The following ATP11B variants were observed in gnomAD, a reference collection of about 807,000 sequenced individuals.
ATP11B encodes the protein ATPase phospholipid transporting 11B (putative).
A neutral mutation model predicts 157.8 loss-of-function variants in ATP11B; 81 were observed. That is an observed-to-expected ratio of 0.51 (90% CI 0.43 to 0.62). The LOEUF (loss-of-function observed/expected upper bound fraction) is 0.62. Among genes scored for constraint, ATP11B ranks in the 20% least tolerant of loss-of-function variants. The pLI, the probability that ATP11B is intolerant of heterozygous loss-of-function variation, is 0.00. For synonymous variants in ATP11B, 451 were observed against 469.4 expected (o/e 0.96, Z 0.51); for missense variants, 1,165 against 1,402.2 (o/e 0.83, Z 2.70).
At chr3:182,834,098 A>G (rs188564886) in intron 4 of ATP11B, among the ~76,000 whole-genome samples, 2 of 152,332 alleles carry the variant, frequency 1.3e-5, no homozygotes, top group Admixed American at 1.3e-4. Context: ...TTAAAAAAAG[A>G]TGTTTGAATT....
intron 27 of ATP11B, among the ~76,000 whole-genome samples, chr3:182,897,781 T>G (rs1723657877): frequency 6.6e-6 from 1 of 152,042 alleles, no homozygotes; most frequent in Admixed American, 6.6e-5. Flanking sequence ...TGTTAATATA[T>G]ACAATAAAGT....
rs1577131117 is a variant in ATP11B at position 182,918,364 on chromosome 3, C to T, written c.*260C>T. On this transcript the variant is annotated 3_prime_UTR_variant, in exon 30 of 30. Coordinates refer to ENST00000323116, the MANE Select transcript of ATP11B (RefSeq NM_014616.3). ...CTCTTTGTCTGGTTTGTCCCTTGTG[C>T]TTATGGGACTCCTAATGGCATTTCA... is the stretch of plus-strand genomic sequence containing the variant. The T allele has an allele frequency of 7.0e-6, 3 of 426,380 alleles. No individual in the cohort carries two copies. The highest frequency in any genetic ancestry group is 1.9e-4 in the South Asian group (2 of 10,282). 26.4% of individuals were successfully genotyped at this position (426,380 alleles called of 1,614,324 possible). A position where few individuals can be genotyped will look rare whatever the true frequency, so the allele number is the denominator to read the frequency against.
At chr3:182,917,488 C>T (rs1577129510) in intron 29 of ATP11B, 37 of 985,318 alleles carry the variant, frequency 3.8e-5, no homozygotes, top group South Asian at 4.7e-5. Context: ...TAAGTGAAAA[C>T]GCTAGTGACC....
chr3:182,896,863 T>C, intron 26 of ATP11B, 98 bp downstream of exon 26: 2 of 783,530 alleles, frequency 2.6e-6, no homozygotes, highest in Non-Finnish European at 4.0e-6. Flanking sequence ...TTTCCCTTTT[T>C]CCATTTTCAA....
chr3:182,864,735 T>G (rs1721099165), intron 12 of ATP11B, among the ~76,000 whole-genome samples: 1 of 152,102 alleles, frequency 6.6e-6, no homozygotes. Context: ...AAGGACTTCT[T>G]TCTCAAGTCA....
intron 29 of ATP11B, chr3:182,916,875 G>A (rs771409405): frequency 2.0e-6 from 2 of 982,552 alleles, no homozygotes; most frequent in South Asian, 9.4e-5. Flanking sequence ...AAAAGTTATA[G>A]TTAAAAGCAT....
intron 28 of ATP11B, among the ~76,000 whole-genome samples, chr3:182,901,465 A>C (rs190612282): frequency 2.0e-5 from 3 of 152,194 alleles, no homozygotes; most frequent in Admixed American, 1.3e-4. Flanking sequence ...TTTGCATTAT[A>C]CTTATTGATT....
intron 1 of ATP11B, among the ~76,000 whole-genome samples, chr3:182,807,986 A>G (rs540329130): frequency 6.6e-6 from 1 of 152,220 alleles, no homozygotes; most frequent in African/African-American, 2.4e-5. Flanking sequence ...CTGAGTAGCA[A>G]ACACGTTTTT....
chr3:182,908,393 G>A (rs1186217671), intron 28 of ATP11B: 1 of 151,588 alleles, frequency 6.6e-6, no homozygotes, highest in Non-Finnish European at 1.5e-5. Flanking sequence ...ACAGGGTTTC[G>A]CGTTGTTGGC....
chr3:182,813,339 G>A (rs914829090), intron 1 of ATP11B, among the ~76,000 whole-genome samples: 7 of 152,164 alleles, frequency 4.6e-5, no homozygotes, highest in Non-Finnish European at 7.4e-5. Context: ...CCCCAGCAAT[G>A]CACAAGGGTT....
rs1273054393 is a variant in ATP11B, at chr3:182,921,008, G to GAA, written c.*2907_*2908dup. 6.6e-6 allele frequency: 1 copy of GAA among 152,024 alleles called. No homozygotes were observed. Among genetic ancestry groups the GAA allele is most frequent in the African/African-American group, 2.4e-5 (1 of 41,318 alleles). 9.4% of individuals were successfully genotyped at this position (152,024 alleles called of 1,614,324 possible). A position where few individuals can be genotyped will look rare whatever the true frequency, so the allele number is the denominator to read the frequency against. ...ACCAGGACTGAGGTCATTTCTACTG[G>GAA]AAAAGATTGTGAGATTGAACTTATC... On this transcript the variant is annotated 3_prime_UTR_variant, in exon 30 of 30. Transcript: ENST00000323116.
chr3:182,885,914 A>G, intron 22 of ATP11B, 37 bp from the exon 23 acceptor site: 2 of 1,386,086 alleles, frequency 1.4e-6, no homozygotes, highest in Non-Finnish European at 1.9e-6. Context: ...TGAAACCTAA[A>G]TATTTTAATT....
intron 12 of ATP11B, among the ~76,000 whole-genome samples, chr3:182,859,745 C>T (rs1423602117): frequency 6.6e-6 from 1 of 151,902 alleles, no homozygotes; most frequent in Non-Finnish European, 1.5e-5. Flanking sequence ...TCACTAATTC[C>T]CGGTTCTATA....
At chr3:182,845,162 G>T (rs1004430535) in intron 8 of ATP11B, among the ~76,000 whole-genome samples, 2 of 151,840 alleles carry the variant, frequency 1.3e-5, no homozygotes, top group Admixed American at 6.6e-5. Context: ...ATGCCGCCAC[G>T]CCTGGCTAAT....
chr3:182,875,935 T>A (rs1722008371), intron 19 of ATP11B, among the ~76,000 whole-genome samples: 1 of 152,192 alleles, frequency 6.6e-6, no homozygotes, highest in African/African-American at 2.4e-5. Flanking sequence ...ATCATTTACT[T>A]TATATATGCC....
chr3:182,801,176 T>C (rs1715990117), intron 1 of ATP11B, among the ~76,000 whole-genome samples: 1 of 152,190 alleles, frequency 6.6e-6, no homozygotes, highest in Non-Finnish European at 1.5e-5. Flanking sequence ...ATCATACTTG[T>C]TTCTCTTTAA....
chr3:182,888,063 G>A (rs1241059206), intron 24 of ATP11B, among the ~76,000 whole-genome samples: 1 of 152,078 alleles, frequency 6.6e-6, no homozygotes, highest in Non-Finnish European at 1.5e-5. Flanking sequence ...TACTATTAGC[G>A]AAATTTATGA....
intron 2 of ATP11B, among the ~76,000 whole-genome samples, chr3:182,824,885 A>G (rs1457399975): frequency 6.6e-6 from 1 of 152,200 alleles, no homozygotes; most frequent in African/African-American, 2.4e-5. Flanking sequence ...CACAATTTTT[A>G]AAATGTAAAT....
chr3:182,845,443 T>C lies in ATP11B; in HGVS notation c.705-15T>C. 6.3e-7 allele frequency: 1 copy of C among 1,587,886 alleles called. No homozygotes were observed. The highest frequency in any genetic ancestry group is 8.5e-7 in the Non-Finnish European group (1 of 1,172,844). ...ATATATTCAGTGCTTTATGGTTATT[T>C]TCTTTTTTTCCTAGACCTCTGGGGC... On this transcript the variant is annotated splice_polypyrimidine_tract_variant and intron_variant, in intron 8 of 29. Transcript: ENST00000323116.
Sources: gnomAD v4.1 joint callset for allele counts (sites outside exome capture counted in the v4.1 genomes callset) on GRCh38, gnomAD v4.1.1 for gene constraint, MANE v1.5 for transcripts, NCBI Gene and HGNC (gene_info 2026-07-23, HGNC 2026-07-21) for gene names.